The following CREB3L1 variants were observed in gnomAD, a reference collection of about 807,000 sequenced individuals.
CREB3L1 encodes cyclic AMP-responsive element-binding protein 3-like protein 1.
In CREB3L1, 33 loss-of-function variants were observed where a neutral mutation model predicts 54.5. The ratio of observed to expected loss-of-function variants is 0.61; its 90% CI spans 0.46 to 0.81. The LOEUF (loss-of-function observed/expected upper bound fraction) is 0.81. Ranked by LOEUF, CREB3L1 falls within the 30% of genes least tolerant of loss-of-function variation. CREB3L1 has a pLI of 0.00. For synonymous variants in CREB3L1, 284 were observed against 286.4 expected (o/e 0.99, Z 0.08); for missense variants, 656 against 673.3 (o/e 0.97, Z 0.29).
At chr11:46,301,163 C>T (rs1291900354) in intron 2 of CREB3L1, among the ~76,000 whole-genome samples, 3 of 150,368 alleles carry the variant, frequency 2.0e-5, no homozygotes, top group Non-Finnish European at 4.4e-5. Flanking sequence ...GAGCGAAACT[C>T]CGTCTCAAAA....
In CREB3L1 at chr11:46,312,345, G is replaced by A. The variant is rs765789468; in HGVS notation, c.774G>A (p.Gly258=). Residue 258 remains glycine, a synonymous_variant, in exon 6 of 12, where the codon GGG becomes GGA. Transcript: ENST00000621158. ...TACAGAAATTACAGGGGACATCAGG[G>A]CCACTGCTCCTGACAGAGGAGGAGA... is the stretch of plus-strand genomic sequence containing the variant. ...TAPHKLQGTS[G]PLLLTEEEKR... 4 of 1,606,780 alleles carry A rather than the reference G, an allele frequency of 2.5e-6. No individual in the cohort carries two copies. The highest frequency in any genetic ancestry group is 3.4e-6 in the Non-Finnish European group (4 of 1,176,572).
At chr11:46,318,590 G>A (rs943550426) in intron 10 of CREB3L1, among the ~76,000 whole-genome samples, 1 of 152,212 alleles carries the variant, frequency 6.6e-6, no homozygotes. Flanking sequence ...GGAGAGAATA[G>A]CTACATCACA....
rs1939274648 is a variant in CREB3L1 at position 46,300,150 on chromosome 11, G to A, written c.318G>A (p.Glu106=). ...PQSPLVPIKM[E]DTTQDAEHGA... ...GCCCCCTTGTGCCCATCAAGATGGA[G>A]GACACCACCCAAGGTAAGAGGTGGA... The change falls in exon 2 of 12, where the codon GAG becomes GAA. Residue 106 remains glutamate (E), a synonymous_variant. Transcript: ENST00000621158. 1 of 1,612,160 alleles carries A rather than the reference G, an allele frequency of 6.2e-7. No individual in the cohort carries two copies. The highest frequency in any genetic ancestry group is 1.1e-5 in the South Asian group (1 of 90,752).
At chr11:46,289,846 G>A (rs1447627189) in intron 1 of CREB3L1, among the ~76,000 whole-genome samples, 3 of 152,154 alleles carry the variant, frequency 2.0e-5, no homozygotes, top group Non-Finnish European at 4.4e-5. Flanking sequence ...GCAGGCAGGA[G>A]GGAGCCAACG....
intron 2 of CREB3L1, among the ~76,000 whole-genome samples, chr11:46,304,924 G>A (rs1939357038): frequency 6.6e-6 from 1 of 152,194 alleles, no homozygotes; most frequent in South Asian, 2.1e-4. Context: ...GGAGGCCGGT[G>A]GCCAGGCCCT....
At chr11:46,281,630 C>T (rs1189529819) in intron 1 of CREB3L1, among the ~76,000 whole-genome samples, 3 of 152,264 alleles carry the variant, frequency 2.0e-5, no homozygotes, top group South Asian at 2.1e-4. Flanking sequence ...TGCGGGGAGG[C>T]GGTGGGGGCT....
intron 1 of CREB3L1, among the ~76,000 whole-genome samples, chr11:46,294,326 G>A (rs1302435742): frequency 6.6e-6 from 1 of 152,140 alleles, no homozygotes; most frequent in Non-Finnish European, 1.5e-5. Context: ...GACTCAGGGA[G>A]GGACTGGCTC....
At chr11:46,292,427 C>T (rs777346410) in intron 1 of CREB3L1, among the ~76,000 whole-genome samples, 3 of 152,188 alleles carry the variant, frequency 2.0e-5, no homozygotes, top group Non-Finnish European at 4.4e-5. Flanking sequence ...CCACTGTGTG[C>T]GGGGACCAAT....
At chr11:46,308,724 C>A (rs576144516) in intron 3 of CREB3L1, among the ~76,000 whole-genome samples, 4 of 152,350 alleles carry the variant, frequency 2.6e-5, no homozygotes, top group Non-Finnish European at 5.9e-5. Context: ...CTGGCCCTGC[C>A]CCCTGCTGGC....
chr11:46,287,305 A>G (rs1939068402), intron 1 of CREB3L1, among the ~76,000 whole-genome samples: 1 of 151,990 alleles, frequency 6.6e-6, no homozygotes, highest in Non-Finnish European at 1.5e-5. Context: ...TTTGGTTTTT[A>G]AATTTTTTTT....
intron 1 of CREB3L1, among the ~76,000 whole-genome samples, chr11:46,293,666 C>T (rs1472678363): frequency 6.6e-6 from 1 of 152,252 alleles, no homozygotes; most frequent in Non-Finnish European, 1.5e-5. Flanking sequence ...AGTCCCAGCC[C>T]TCAGTGTCCC....
intron 9 of CREB3L1, 64 bp downstream of exon 9, chr11:46,316,449 C>T (rs1939568680): frequency 8.9e-7 from 1 of 1,128,804 alleles, no homozygotes; most frequent in Non-Finnish European, 1.3e-6. Flanking sequence ...CTGGCTTTTT[C>T]CAGGGTTGGG....
intron 2 of CREB3L1, among the ~76,000 whole-genome samples, chr11:46,307,117 G>A (rs923195125): frequency 2.6e-5 from 4 of 151,994 alleles, no homozygotes; most frequent in South Asian, 2.1e-4. Flanking sequence ...GGACTCAAGC[G>A]ATCCACCTGC....
At chr11:46,311,398 A>G (rs763099577) in intron 5 of CREB3L1, among the ~76,000 whole-genome samples, 11 of 152,018 alleles carry the variant, frequency 7.2e-5, no homozygotes, top group Non-Finnish European at 1.5e-4. Context: ...CAGTGGCTCA[A>G]TCTCGGCTCA....
At chr11:46,312,192 C>A (rs1939496271) in intron 5 of CREB3L1, 133 bp from the exon 6 acceptor site, 2 of 742,270 alleles carry the variant, frequency 2.7e-6, no homozygotes, top group Non-Finnish European at 4.3e-6. Flanking sequence ...CAGATCCACT[C>A]CCTTTCCAGA....
At chr11:46,280,834 G>A (rs188810265) in intron 1 of CREB3L1, among the ~76,000 whole-genome samples, 5 of 152,274 alleles carry the variant, frequency 3.3e-5, no homozygotes, top group African/African-American at 1.2e-4. Context: ...CAGGGTTAAG[G>A]ATGGGTAGGG....
At chr11:46,281,658 C>T (rs948368110) in intron 1 of CREB3L1, among the ~76,000 whole-genome samples, 5 of 152,174 alleles carry the variant, frequency 3.3e-5, no homozygotes, top group Non-Finnish European at 7.4e-5. Flanking sequence ...ATCGCTACTC[C>T]CCACACGCCT....
At chr11:46,310,452 A>G (rs1939467374) in intron 4 of CREB3L1, among the ~76,000 whole-genome samples, 1 of 151,936 alleles carries the variant, frequency 6.6e-6, no homozygotes, top group African/African-American at 2.4e-5. Context: ...ATTTTTTAGT[A>G]GAGACGGGGT....
rs752442250 is a variant in CREB3L1, at chr11:46,320,542, C to G, written c.1523+14C>G. 31 of 1,564,194 alleles carry G rather than the reference C, an allele frequency of 2.0e-5. No individual in the cohort carries two copies. In the East Asian group the frequency reaches 6.9e-4, roughly 35 times the overall value. On this transcript the variant is annotated intron_variant, in intron 11 of 11. Coordinates refer to ENST00000621158, the MANE Select transcript of CREB3L1 (RefSeq NM_052854.4). ...GTTCCACGACAGGTGGGGTGTGTGG[C>G]CCCTTTCCCTCCTGAGGTCTCAGGC...
Sources: gnomAD v4.1 joint callset for allele counts (sites outside exome capture counted in the v4.1 genomes callset) on GRCh38, gnomAD v4.1.1 for gene constraint, MANE v1.5 for transcripts, NCBI Gene and HGNC (gene_info 2026-07-23, HGNC 2026-07-21) for gene names.